DNMT3B: variants seen among roughly 807,000 people sequenced by gnomAD.
The protein encoded by DNMT3B is DNA methyltransferase 3 beta.
In DNMT3B, 37 loss-of-function variants were observed where a neutral mutation model predicts 120.2. The ratio of observed to expected loss-of-function variants is 0.31; its 90% confidence interval spans 0.24 to 0.40. DNMT3B has a LOEUF of 0.40. Ranked by LOEUF, DNMT3B falls within the 10% of genes least tolerant of loss-of-function variation. DNMT3B has a pLI of 1.00. For missense variants in DNMT3B, 878 were observed against 1,137.3 expected (o/e 0.77, Z 3.28); for synonymous variants, 412 against 442.8 (o/e 0.93, Z 0.87).
At chr20:32,784,927 C>T (rs1195859556) in intron 4 of DNMT3B, 68 bp downstream of exon 4, 15 of 1,403,302 alleles carry the variant, frequency 1.1e-5, no homozygotes, top group Non-Finnish European at 1.5e-5. Context: ...TAGCATGCTA[C>T]ATACATAGCA....
chr20:32,793,610 T>G lies in DNMT3B; in HGVS notation c.1126+15T>G, dbSNP rs150368389. 2.7e-5 allele frequency: 44 copies of G among 1,613,774 alleles called. No individual in the cohort carries two copies. Among genetic ancestry groups the G allele is most frequent in the Non-Finnish European group, 3.6e-5 (42 of 1,179,690 alleles). On this transcript the variant is annotated intron_variant, in intron 10 of 22. Coordinates refer to ENST00000328111, the MANE Select transcript of DNMT3B (RefSeq NM_006892.4). ...AAGGAAATACGGTATTTCCTTCCTG[T>G]CTTTTGACTGTGCCCTGTTTTCTAT...
In DNMT3B at chr20:32,795,605, C is replaced by A. The variant is rs557740134; in HGVS notation, c.1253-45C>A. The A allele has an allele frequency of 3.7e-6, 6 of 1,614,032 alleles. No individual in the cohort carries two copies. The African/African-American group carries it at 8.0e-5, about 22-fold the overall frequency. Reference sequence around the variant, plus strand: ...GCTGCAGATCAGGAATTGATCTGTACCCGGCTCCCTGACCTCATCTCATGC... The same window carrying A: ...GCTGCAGATCAGGAATTGATCTGTAACCGGCTCCCTGACCTCATCTCATGC... On this transcript the variant is annotated intron_variant, in intron 11 of 22. Coordinates refer to ENST00000328111, the MANE Select transcript of DNMT3B (RefSeq NM_006892.4).
chr20:32,780,066 C>A (rs747356795), intron 1 of DNMT3B: 2 of 1,606,134 alleles, frequency 1.2e-6, no homozygotes, highest in Non-Finnish European at 1.7e-6. Flanking sequence ...CCTGGCCTCC[C>A]CACTCTGTCC....
chr20:32,772,957 T>A (rs1264310065), intron 1 of DNMT3B, among the ~76,000 whole-genome samples: 1 of 148,464 alleles, frequency 6.7e-6, no homozygotes, highest in African/African-American at 2.5e-5. Context: ...GTAGCTGGGA[T>A]TACAGGCATG....
At chr20:32,793,474 G>A (rs538471595) in intron 9 of DNMT3B, 62 bp from the exon 10 acceptor site, 18 of 1,578,416 alleles carry the variant, frequency 1.1e-5, no homozygotes, top group Non-Finnish European at 1.5e-5. Flanking sequence ...TCTCAAAAAA[G>A]AAAACAGTCC....
rs1267725765 is a variant in DNMT3B at position 32,768,746 on chromosome 20, C to A, written c.-7+6047C>A. ...AGGGTCCCACTGAGCCAGCTACAGG[C>A]CCCCGCTCTTTTGTGAAAAGATGGT... On this transcript the variant is annotated intron_variant, in intron 1 of 22. Coordinates refer to ENST00000328111, the MANE Select transcript of DNMT3B (RefSeq NM_006892.4). 3.9e-5 allele frequency among the ~76,000 whole-genome samples: 6 copies of A among 152,220 alleles called. No homozygotes were observed. The East Asian group carries it at 9.7e-4, about 24-fold the overall frequency.
At chr20:32,805,693 T>A (rs1981896140) in intron 21 of DNMT3B, among the ~76,000 whole-genome samples, 1 of 152,238 alleles carries the variant, frequency 6.6e-6, no homozygotes, top group East Asian at 1.9e-4. Context: ...GAGAAAGGAA[T>A]CATTAATCCT....
chr20:32,800,403 A>G, intron 17 of DNMT3B, 105 bp downstream of exon 17: 4 of 1,496,276 alleles, frequency 2.7e-6, no homozygotes, highest in Non-Finnish European at 3.7e-6. Flanking sequence ...GACCCCAGAA[A>G]AAAGGATTGA....
intron 14 of DNMT3B, among the ~76,000 whole-genome samples, chr20:32,798,220 A>G (rs1980876612): frequency 6.6e-6 from 1 of 152,176 alleles, no homozygotes; most frequent in Non-Finnish European, 1.5e-5. Context: ...CATGGAATGA[A>G]GTAGGTTGTC....
intron 1 of DNMT3B, among the ~76,000 whole-genome samples, chr20:32,770,610 C>CTT (rs1555833247): frequency 2.1e-5 from 3 of 144,782 alleles, no homozygotes; most frequent in Non-Finnish European, 4.6e-5. Context: ...CTCCGCCTTA[C>CTT]TTTTTTTTTT....
chr20:32,764,743 A>G (rs1187865835), intron 1 of DNMT3B, among the ~76,000 whole-genome samples: 1 of 152,242 alleles, frequency 6.6e-6, no homozygotes, highest in East Asian at 1.9e-4. Flanking sequence ...ACAAAGGGAC[A>G]AGGACTGGGG....
At chr20:32,776,045 A>G (rs915802992) in intron 1 of DNMT3B, among the ~76,000 whole-genome samples, 1 of 152,186 alleles carries the variant, frequency 6.6e-6, no homozygotes, top group Non-Finnish European at 1.5e-5. Context: ...CCTGGCCAAC[A>G]TGGTGAAACC....
chr20:32,775,083 C>A (rs1277736277), intron 1 of DNMT3B, among the ~76,000 whole-genome samples: 2 of 152,136 alleles, frequency 1.3e-5, no homozygotes, highest in African/African-American at 4.8e-5. Flanking sequence ...GTCTTGAACT[C>A]CTGACCTCGG....
chr20:32,790,699 T>A (rs1275076011), intron 7 of DNMT3B, among the ~76,000 whole-genome samples: 2 of 151,618 alleles, frequency 1.3e-5, no homozygotes, highest in Non-Finnish European at 2.9e-5. Flanking sequence ...AGAGATGAGG[T>A]CCTCACTGTC....
In DNMT3B at chr20:32,800,595, A is replaced by C. The variant is rs1036757167; in HGVS notation, c.1906-240A>C. 2.6e-5 allele frequency among the ~76,000 whole-genome samples: 4 copies of C among 152,106 alleles called. No homozygotes were observed. In the South Asian group the frequency reaches 6.2e-4, roughly 24 times the overall value. On this transcript the variant is annotated intron_variant, in intron 17 of 22. Transcript: ENST00000328111. ...TGCCTCAGCCTCCCAAAGTGCTGGGATTACAGGCACCTGCCACCATGCTGG... is the reference window on the plus strand; with the variant it reads ...TGCCTCAGCCTCCCAAAGTGCTGGGCTTACAGGCACCTGCCACCATGCTGG...
In DNMT3B at chr20:32,798,537, G is replaced by C; in HGVS notation, c.1568G>C (p.Ser523Thr). 1 of 1,614,222 alleles carries C rather than the reference G, an allele frequency of 6.2e-7. No individual in the cohort carries two copies. The highest frequency in any genetic ancestry group is 2.2e-5 in the East Asian group (1 of 44,872). The change falls in exon 15 of 23, where the codon AGC becomes ACC. Residue 523 changes from serine to threonine, a missense_variant. Physicochemically the swap from Ser to Thr is moderately conservative, Grantham distance 58 (BLOSUM62 1). Transcript: ENST00000328111. ...GAGGCCAAGCTTCAGGAGCCCTGGA[G>C]CTGTTACATGTGTCTCCCGCAGCGC... ...AAEAKLQEPW[S>T]CYMCLPQRCH...
chr20:32,802,654 C>T (rs569134818), intron 20 of DNMT3B, among the ~76,000 whole-genome samples, 184 bp downstream of exon 20: 1 of 152,228 alleles, frequency 6.6e-6, no homozygotes, highest in East Asian at 1.9e-4. Flanking sequence ...CTGGGAATCT[C>T]TGTAGGAGTC....
chr20:32,780,150 G>C, intron 1 of DNMT3B, 168 bp from the exon 2 acceptor site: 2 of 1,613,742 alleles, frequency 1.2e-6, no homozygotes, highest in South Asian at 1.1e-5. Flanking sequence ...AGCTTGGTGA[G>C]GGGGAGGCTA....
intron 22 of DNMT3B, 105 bp downstream of exon 22, chr20:32,806,432 G>A: frequency 1.9e-6 from 2 of 1,046,628 alleles, no homozygotes; most frequent in South Asian, 2.6e-5. Context: ...ACTGCCCTTT[G>A]GTGTTACTGG....
Sources: allele counts gnomAD v4.1 joint callset (sites outside exome capture counted in the v4.1 genomes callset), GRCh38; gene constraint gnomAD v4.1.1; transcripts MANE v1.5; gene names NCBI Gene and HGNC (gene_info 2026-07-23, HGNC 2026-07-21).